The following ZC3H12B variants were observed in gnomAD, a reference collection of about 807,000 sequenced individuals.
ZC3H12B encodes the protein probable ribonuclease ZC3H12B.
A neutral mutation model predicts 43.9 loss-of-function variants in ZC3H12B; 7 were observed. That is an observed-to-expected ratio of 0.16 (90% CI 0.09 to 0.30). The LOEUF is 0.30. Ranked by LOEUF, ZC3H12B falls within the 10% of genes least tolerant of loss-of-function variation. ZC3H12B has a pLI of 1.00. For synonymous variants in ZC3H12B, 222 were observed against 241.7 expected (o/e 0.92, Z 0.76); for missense variants, 475 against 670.2 (o/e 0.71, Z 3.22).
the ZC3H12B span, among the ~76,000 whole-genome samples, chrX:65,072,236 A>T: frequency 8.9e-6 from 1 of 112,111 alleles, no homozygotes; most frequent in Non-Finnish European, 1.9e-5. Context: ...CTCTTGGTCC[A>T]TTCTGCTATT....
chrX:65,333,360 C>T, the ZC3H12B span, among the ~76,000 whole-genome samples: 1 of 111,690 alleles, frequency 9.0e-6, no homozygotes, highest in African/African-American at 3.2e-5. Context: ...AACTATGTTG[C>T]CATAAGTTAA....
chrX:65,259,458 C>T, the ZC3H12B span, among the ~76,000 whole-genome samples: 1 of 111,265 alleles, frequency 9.0e-6, no homozygotes, highest in Non-Finnish European at 1.9e-5. Flanking sequence ...ACTATAAAAC[C>T]CTGGGAGATA....
intron 3 of ZC3H12B, chrX:65,408,165 G>C: frequency 1.7e-6 from 2 of 1,200,836 alleles, no homozygotes; most frequent in Non-Finnish European, 2.2e-6. Context: ...TCCCTGGACC[G>C]GATTAAAGAG....
chrX:65,372,711 G>A (rs1229412219), intron 2 of ZC3H12B, among the ~76,000 whole-genome samples: 1 of 111,847 alleles, frequency 8.9e-6, no homozygotes, highest in African/African-American at 3.2e-5. Flanking sequence ...GATATTGAGA[G>A]GTAAGGATTG....
the ZC3H12B span, among the ~76,000 whole-genome samples, chrX:65,303,314 T>A: frequency 9.0e-6 from 1 of 111,522 alleles, no homozygotes; most frequent in African/African-American, 3.3e-5. Context: ...CCCTGTGACA[T>A]GAATTTACCT....
At chrX:65,395,103 T>A (rs749452372) in intron 2 of ZC3H12B, among the ~76,000 whole-genome samples, 3 of 112,176 alleles carry the variant, frequency 2.7e-5, no homozygotes, top group Admixed American at 9.4e-5. Context: ...TAAGGAGTTT[T>A]TGGGCTGAGA....
At chrX:65,207,638 T>C in the ZC3H12B span, among the ~76,000 whole-genome samples, 3 of 106,864 alleles carry the variant, frequency 2.8e-5, no homozygotes, top group African/African-American at 6.9e-5. Flanking sequence ...TCTTTTGGCT[T>C]AGGATTGACT....
chrX:65,409,475 G>T (rs981640857), intron 3 of ZC3H12B, among the ~76,000 whole-genome samples: 2 of 107,840 alleles, frequency 1.9e-5, no homozygotes, highest in Admixed American at 1.0e-4. Context: ...GAAATAAATG[G>T]CAACCAACTT....
intron 2 of ZC3H12B, among the ~76,000 whole-genome samples, chrX:65,398,209 A>C (rs2066723667): frequency 8.9e-6 from 1 of 112,108 alleles, no homozygotes; most frequent in African/African-American, 3.2e-5. Flanking sequence ...AGCAATCTAT[A>C]GATTTAATGC....
At chrX:65,450,789 GTATATATATACATATGTGTATATATGTA>G (rs2067486201) in intron 3 of ZC3H12B, among the ~76,000 whole-genome samples, 1 of 61,779 alleles carries the variant, frequency 1.6e-5, no homozygotes, top group Non-Finnish European at 2.8e-5. Context: ...GTGTATATAT[GTATATATATACATATGTGTATATATGTA>G]TATATATACA....
the ZC3H12B span, among the ~76,000 whole-genome samples, chrX:65,183,439 TCGAAAA>T: frequency 1.8e-5 from 2 of 110,873 alleles, no homozygotes; most frequent in African/African-American, 6.5e-5. Context: ...GGGGTGAGGA[TCGAAAA>T]ACTACTTAAT....
the ZC3H12B span, among the ~76,000 whole-genome samples, chrX:65,115,800 C>T: frequency 1.2e-3 from 135 of 111,802 alleles, 1 homozygote; most frequent in African/African-American, 4.2e-3. Flanking sequence ...TCTCCCTGAT[C>T]ATTAGTGATG....
the ZC3H12B span, among the ~76,000 whole-genome samples, chrX:65,275,063 T>A: frequency 8.9e-6 from 1 of 112,336 alleles, no homozygotes; most frequent in East Asian, 2.8e-4. Context: ...CATCCTCAGA[T>A]TACTCAGGCA....
At chrX:65,202,192 T>C in the ZC3H12B span, among the ~76,000 whole-genome samples, 1 of 98,914 alleles carries the variant, frequency 1.0e-5, no homozygotes, top group Non-Finnish European at 2.0e-5. Flanking sequence ...ATATATATTA[T>C]ATATAATATA....
At chrX:65,211,088 G>GAAAAAAAA in the ZC3H12B span, among the ~76,000 whole-genome samples, 1 of 63,382 alleles carries the variant, frequency 1.6e-5, no homozygotes, top group African/African-American at 5.5e-5. Flanking sequence ...AAAAAAGAAA[G>GAAAAAAAA]AAAAAAAAAA....
the ZC3H12B span, among the ~76,000 whole-genome samples, chrX:65,325,458 A>G: frequency 8.9e-6 from 1 of 111,753 alleles, no homozygotes; most frequent in Non-Finnish European, 1.9e-5. Context: ...TTAACCATGA[A>G]CTATCTGAAA....
intron 3 of ZC3H12B, among the ~76,000 whole-genome samples, chrX:65,434,162 T>A (rs1349627197): frequency 8.9e-6 from 1 of 111,927 alleles, no homozygotes; most frequent in Admixed American, 9.5e-5. Context: ...TTTAAGTTTT[T>A]CATTTGAGTG....
rs1453599184 is a variant in ZC3H12B at position 65,396,582 on chromosome X, T to C, written n.296-2011T>C. Among the ~76,000 whole-genome samples the C allele has an allele frequency of 3.7e-5, 4 of 107,446 alleles. 1 individual carries two copies. The highest frequency in any genetic ancestry group is 8.5e-3 in the Middle Eastern group (2 of 234). 93.3% of individuals were successfully genotyped at this position (107,446 alleles called of 115,157 possible). On this transcript the variant is annotated intron_variant and non_coding_transcript_variant, in intron 2 of 5. Transcript: ENST00000617377. The stretch of plus-strand genomic sequence containing the variant: ...AATTTCAGGTTTTTTGTTTTTGTCT[T>C]TTTTTTTTTCGCATTTGCTGAGAAG...
chrX:65,501,948 C>T, exon 5 of ZC3H12B: 2 of 1,211,146 alleles, frequency 1.7e-6, no homozygotes, highest in Non-Finnish European at 2.2e-6. Flanking sequence ...ACAGGGATGT[C>T]TAGTGCCAAA....
Sources: gnomAD v4.1 joint callset for allele counts (sites outside exome capture counted in the v4.1 genomes callset) on GRCh38, gnomAD v4.1.1 for gene constraint, MANE v1.5 for transcripts, NCBI Gene and HGNC (gene_info 2026-07-23, HGNC 2026-07-21) for gene names.